DROSHA: variants seen among roughly 807,000 people sequenced by gnomAD.
The protein encoded by DROSHA is ribonuclease 3.
In DROSHA, 56 loss-of-function variants were observed where a neutral mutation model predicts 181.9. The observed-to-expected ratio is 0.31, with a 90% CI of 0.25 to 0.38. The LOEUF is 0.38. Among genes scored for constraint, DROSHA ranks in the 10% least tolerant of loss-of-function variants. DROSHA has a pLI of 1.00. For synonymous variants in DROSHA, 524 were observed against 591.2 expected (o/e 0.89, Z 1.65); for missense variants, 1,218 against 1,743.5 (o/e 0.70, Z 5.37).
intron 25 of DROSHA, among the ~76,000 whole-genome samples, chr5:31,435,049 C>T (rs547119600): frequency 8.5e-5 from 13 of 152,278 alleles, no homozygotes; most frequent in African/African-American, 2.6e-4. Context: ...ATTTTACAGA[C>T]GAGAAAGCAG....
At chr5:31,424,099 T>C (rs1287751235) in intron 28 of DROSHA, among the ~76,000 whole-genome samples, 1 of 152,192 alleles carries the variant, frequency 6.6e-6, no homozygotes, top group Non-Finnish European at 1.5e-5. Context: ...AGCAAGTGTG[T>C]AGATATACTG....
Position 31,410,785 on chromosome 5 carries a change from C to T in DROSHA, c.3628G>A (p.Val1210Met), listed in dbSNP as rs774665139. Residue 1210 changes from valine (V) to methionine (M), a missense_variant, in exon 31 of 36, where the codon GTG becomes ATG. Val to Met is a conservative substitution (Grantham distance 21). This residue lies in a region of DROSHA where 47 missense variants were observed against 70.6 expected (regional missense o/e 0.67). Coordinates refer to ENST00000344624, the MANE Select transcript of DROSHA (RefSeq NM_001382508.1). ...GCCAAGGTCTTGGTGCGAAGCGCCACAGGCCTCTTGGTCTTGTCGTTGGTT... is the reference window on the plus strand; with the variant it reads ...GCCAAGGTCTTGGTGCGAAGCGCCATAGGCCTCTTGGTCTTGTCGTTGGTT... ...AITNDKTKRPVALRTKTLADL... is the reference protein window; with the variant it reads ...AITNDKTKRPMALRTKTLADL... The T allele has an allele frequency of 3.1e-6, 5 of 1,614,004 alleles. No homozygotes were observed. The Admixed American group carries it at 8.3e-5, about 27-fold the overall frequency.
Position 31,526,402 on chromosome 5 carries a change from G to A in DROSHA, c.531C>T (p.Phe177=), listed in dbSNP as rs758820590. ...QYPPGYSHHN[F]PPPSFNSFQN... ...GGAAACTATTAAAACTGGGAGGTGG[G>A]AAGTTGTGGTGAGAATAGCCCGGAG... The change falls in exon 5 of 36, where the codon TTC becomes TTT. Residue 177 remains phenylalanine (F), a synonymous_variant. Transcript: ENST00000344624. 9.3e-6 allele frequency: 15 copies of A among 1,613,484 alleles called. 1 individual carries two copies. The South Asian group carries it at 1.6e-4, about 18-fold the overall frequency.
chr5:31,491,615 A>G (rs1207594184), intron 13 of DROSHA, among the ~76,000 whole-genome samples: 1 of 151,904 alleles, frequency 6.6e-6, no homozygotes, highest in Non-Finnish European at 1.5e-5. Context: ...AGAGACAGGC[A>G]GTAGATGGTG....
chr5:31,521,356 CTT>C, intron 5 of DROSHA, 141 bp from the exon 6 acceptor site: 1 of 776,758 alleles, frequency 1.3e-6, no homozygotes, highest in Non-Finnish European at 2.0e-6. Flanking sequence ...ATTTTTATGC[CTT>C]CTTAATTTAT....
At chr5:31,446,253 T>C (rs1425398162) in intron 23 of DROSHA, among the ~76,000 whole-genome samples, 2 of 151,682 alleles carry the variant, frequency 1.3e-5, no homozygotes, top group African/African-American at 2.4e-5. Context: ...AAGACCACCC[T>C]GGTTAACACA....
chr5:31,504,730 G>T, intron 10 of DROSHA, 95 bp from the exon 11 acceptor site: 1 of 1,274,472 alleles, frequency 7.8e-7, no homozygotes, highest in Non-Finnish European at 1.1e-6. Context: ...TTAATGTCAT[G>T]AGCGCTGAAG....
intron 11 of DROSHA, among the ~76,000 whole-genome samples, chr5:31,502,644 T>TC (rs1737414268): frequency 6.6e-6 from 1 of 152,136 alleles, no homozygotes; most frequent in African/African-American, 2.4e-5. Context: ...ATGGCCCGGA[T>TC]CCCCACAGCT....
intron 5 of DROSHA, among the ~76,000 whole-genome samples, chr5:31,521,768 A>C (rs1056856876): frequency 1.3e-5 from 2 of 152,194 alleles, no homozygotes; most frequent in Admixed American, 6.5e-5. Context: ...TCTGGAAAAA[A>C]AACTAAATAG....
At chr5:31,419,153 A>G (rs1742327639) in intron 30 of DROSHA, among the ~76,000 whole-genome samples, 1 of 152,200 alleles carries the variant, frequency 6.6e-6, no homozygotes, top group South Asian at 2.1e-4. Flanking sequence ...CCGTGACAGA[A>G]GCCAACAAAG....
chr5:31,427,621 C>T (rs115585060), intron 27 of DROSHA, among the ~76,000 whole-genome samples: 153 of 152,282 alleles, frequency 1.0e-3, no homozygotes, highest in Middle Eastern at 3.4e-3. Context: ...TAATCTCTTG[C>T]TGCTCCTAAA....
intron 11 of DROSHA, among the ~76,000 whole-genome samples, chr5:31,502,794 C>T (rs1335247023): frequency 2.0e-5 from 3 of 152,202 alleles, no homozygotes; most frequent in Non-Finnish European, 4.4e-5. Flanking sequence ...GGCACTACAG[C>T]CTCACTCTGG....
At chr5:31,523,030 G>A (rs770900015) in intron 5 of DROSHA, among the ~76,000 whole-genome samples, 4 of 152,188 alleles carry the variant, frequency 2.6e-5, no homozygotes, top group Non-Finnish European at 5.9e-5. Flanking sequence ...CAAGAAGCAG[G>A]GGAGGGGCAA....
intron 8 of DROSHA, among the ~76,000 whole-genome samples, chr5:31,513,489 G>A (rs899988140): frequency 6.6e-6 from 1 of 152,144 alleles, no homozygotes. Flanking sequence ...GAGAAGCATG[G>A]AATAACATTC....
chr5:31,428,251 G>T (rs1743718014), intron 27 of DROSHA, among the ~76,000 whole-genome samples: 2 of 144,794 alleles, frequency 1.4e-5, no homozygotes, highest in African/African-American at 5.0e-5. Flanking sequence ...GGGGGATGCA[G>T]GTAAGATGGG....
intron 20 of DROSHA, among the ~76,000 whole-genome samples, chr5:31,452,951 A>G (rs1010719987): frequency 3.3e-5 from 5 of 152,240 alleles, no homozygotes; most frequent in Non-Finnish European, 7.3e-5. Context: ...CAATATGGAA[A>G]CAACATGCAC....
chr5:31,526,110 G>C lies in DROSHA; in HGVS notation c.823C>G (p.Pro275Ala). The C allele has an allele frequency of 1.9e-6, 3 of 1,600,384 alleles. No individual in the cohort carries two copies. Among genetic ancestry groups the C allele is most frequent in the Non-Finnish European group, 2.6e-6 (3 of 1,168,972 alleles). The change falls in exon 5 of 36, where the codon CCA (proline) becomes GCA (alanine). Residue 275 changes from proline (P) to alanine (A), a missense_variant. By Grantham distance (27) the Pro-to-Ala change is conservative. Transcript: ENST00000344624. ...CGTTCGTAGCTGCGGTGGCGAGATGGTGTTCTCCCTCGGTCATAATCAGAT... is the reference window on the plus strand; with the variant it reads ...CGTTCGTAGCTGCGGTGGCGAGATGCTGTTCTCCCTCGGTCATAATCAGAT... ...YRSDYDRGRT[P>A]SRHRSYERSR...
chr5:31,436,085 T>A (rs1329672398), intron 24 of DROSHA, among the ~76,000 whole-genome samples: 2 of 152,208 alleles, frequency 1.3e-5, no homozygotes, highest in Admixed American at 1.3e-4. Context: ...TTTTCACATT[T>A]ATTTCTGTTA....
chr5:31,465,634 A>G (rs1336452114), intron 19 of DROSHA, among the ~76,000 whole-genome samples: 3 of 152,146 alleles, frequency 2.0e-5, no homozygotes, highest in Admixed American at 6.5e-5. Context: ...ATGATACCCA[A>G]TGTGAGAGAT....
Sources: allele counts gnomAD v4.1 joint callset (sites outside exome capture counted in the v4.1 genomes callset), GRCh38; gene constraint gnomAD v4.1.1; regional missense constraint gnomAD v4.1.1; transcripts MANE v1.5; gene names NCBI Gene and HGNC (gene_info 2026-07-23, HGNC 2026-07-21).